The following FRRS1L variants were observed in gnomAD, a reference collection of about 807,000 sequenced individuals.
FRRS1L encodes DOMON domain-containing protein FRRS1L.
Under a neutral mutation model 28.6 loss-of-function variants are expected in FRRS1L, and 22 were observed. The ratio of observed to expected loss-of-function variants is 0.77; its 90% CI spans 0.55 to 1.10. The LOEUF is 1.10. Among genes scored for constraint, FRRS1L ranks in the 50% least tolerant of loss-of-function variants. The pLI is 0.00. For missense variants in FRRS1L, 380 were observed against 386.9 expected, an observed-to-expected ratio of 0.98 and a Z score of 0.15; for synonymous variants, 158 against 151.4, an observed-to-expected ratio of 1.04 and a Z score of -0.32.
chr9:109,146,960 A>T, intron 3 of FRRS1L, 91 bp downstream of exon 3: 1 of 1,198,064 alleles, frequency 8.3e-7, no homozygotes, highest in Non-Finnish European at 1.2e-6. Context: ...TGATCATTAT[A>T]CTGCTTTGAT....
chr9:109,133,486 G>A lies in FRRS1L; in HGVS notation c.*3969C>T, dbSNP rs1239409691. On this transcript the variant is annotated 3_prime_UTR_variant, in exon 5 of 5. Coordinates refer to ENST00000561981, the MANE Select transcript of FRRS1L (RefSeq NM_014334.4). ...GGATAGTGGGTTCCATTTAATAAAA[G>A]TTTTAATGGATGTGCACGAAGGTGC... is the stretch of plus-strand genomic sequence containing the variant. 1 of 152,182 alleles carries A rather than the reference G, an allele frequency of 6.6e-6. No homozygotes were observed. The highest frequency in any genetic ancestry group is 2.4e-5 in the African/African-American group (1 of 41,454). 9.4% of individuals were successfully genotyped at this position (152,182 alleles called of 1,614,324 possible).
rs1451066014 is a variant in FRRS1L, at chr9:109,131,195, T to G, written c.*6260A>C. On this transcript the variant is annotated 3_prime_UTR_variant, in exon 5 of 5. Coordinates refer to ENST00000561981, the MANE Select transcript of FRRS1L (RefSeq NM_014334.4). ...AAATACAAAACCTGTATAGGTTGCA[T>G]CAACATGCCAGTTACTCAGCTAACA... The G allele has an allele frequency of 6.6e-6, 1 of 152,238 alleles. No individual in the cohort carries two copies. Among genetic ancestry groups the G allele is most frequent in the Non-Finnish European group, 1.5e-5 (1 of 68,040 alleles). 9.4% of individuals were successfully genotyped at this position (152,238 alleles called of 1,614,324 possible). A position where few individuals can be genotyped will look rare whatever the true frequency, so the allele number is the denominator to read the frequency against.
intron 4 of FRRS1L, chr9:109,140,663 G>C (rs968147133): frequency 9.9e-5 from 15 of 152,026 alleles, no homozygotes; most frequent in African/African-American, 3.1e-4. Context: ...AATCTCTGGA[G>C]AAGTCTCCAG....
At chr9:109,157,948 T>A (rs921514281) in intron 1 of FRRS1L, among the ~76,000 whole-genome samples, 3 of 152,254 alleles carry the variant, frequency 2.0e-5, no homozygotes, top group Non-Finnish European at 2.9e-5. Flanking sequence ...CTTATGCATA[T>A]GTACGTGATC....
chr9:109,153,264 G>T (rs950160954), intron 1 of FRRS1L, among the ~76,000 whole-genome samples: 1 of 152,194 alleles, frequency 6.6e-6, no homozygotes, highest in Non-Finnish European at 1.5e-5. Context: ...TTGGGGCTTT[G>T]TGCTAGACCT....
At chr9:109,158,418 C>A (rs1831436413) in intron 1 of FRRS1L, among the ~76,000 whole-genome samples, 1 of 152,108 alleles carries the variant, frequency 6.6e-6, no homozygotes, top group Non-Finnish European at 1.5e-5. Context: ...GTTATGCAAC[C>A]ATCACCACTA....
Position 109,145,250 on chromosome 9 carries a change from C to A in FRRS1L, c.462+1801G>T, listed in dbSNP as rs570902487. On this transcript the variant is annotated intron_variant, in intron 3 of 4. Transcript: ENST00000561981. ...GAGCAGGGGCCAGTGATGACAGCTGCCTGTGCACCTGAGGCCCCGCCTGTG... is the reference window on the plus strand; with the variant it reads ...GAGCAGGGGCCAGTGATGACAGCTGACTGTGCACCTGAGGCCCCGCCTGTG... 4.6e-5 allele frequency among the ~76,000 whole-genome samples: 7 copies of A among 152,350 alleles called. No homozygotes were observed. In the South Asian group the frequency reaches 1.4e-3, roughly 32 times the overall value.
chr9:109,146,370 C>T lies in FRRS1L; in HGVS notation c.462+681G>A, dbSNP rs527464751. Among the ~76,000 whole-genome samples, 9 of 152,176 alleles carry T rather than the reference C, an allele frequency of 5.9e-5. No homozygotes were observed. The South Asian group carries it at 6.2e-4, about 11-fold the overall frequency. On this transcript the variant is annotated intron_variant, in intron 3 of 4. Coordinates refer to ENST00000561981, the MANE Select transcript of FRRS1L (RefSeq NM_014334.4). ...ACAGGTCACAACCTGGGGCTTGTGACGGGTGTCTGAAATGGGGGCAGTCTT... is the reference window on the plus strand; with the variant it reads ...ACAGGTCACAACCTGGGGCTTGTGATGGGTGTCTGAAATGGGGGCAGTCTT...
intron 4 of FRRS1L, chr9:109,141,116 C>G (rs1285734651): frequency 8.6e-6 from 5 of 580,376 alleles, no homozygotes; most frequent in Non-Finnish European, 1.5e-5. Context: ...CTATCTTGTA[C>G]TGCTGTAGCT....
At chr9:109,137,797 A>T (rs1336828796) in intron 4 of FRRS1L, 170 bp from the exon 5 acceptor site, 2 of 379,400 alleles carry the variant, frequency 5.3e-6, no homozygotes, top group African/African-American at 2.1e-5. Flanking sequence ...ATCATTGTAC[A>T]TATAATAAAG....
chr9:109,139,784 A>G (rs1326589813), intron 4 of FRRS1L: 1 of 152,226 alleles, frequency 6.6e-6, no homozygotes, highest in African/African-American at 2.4e-5. Flanking sequence ...GTGTCTTCCC[A>G]ATTGGCAACA....
chr9:109,158,873 C>T (rs532702156), intron 1 of FRRS1L, among the ~76,000 whole-genome samples: 1 of 152,346 alleles, frequency 6.6e-6, no homozygotes, highest in South Asian at 2.1e-4. Flanking sequence ...CTGTGTTTAA[C>T]TTTTTGAGAA....
intron 3 of FRRS1L, among the ~76,000 whole-genome samples, chr9:109,142,633 G>A (rs1392292476): frequency 1.3e-5 from 2 of 152,144 alleles, no homozygotes; most frequent in Non-Finnish European, 2.9e-5. Context: ...AGGCAATACA[G>A]TGAGACACTA....
At chr9:109,164,189 G>A (rs969397433) in intron 1 of FRRS1L, among the ~76,000 whole-genome samples, 2 of 152,020 alleles carry the variant, frequency 1.3e-5, no homozygotes, top group African/African-American at 2.4e-5. Flanking sequence ...ATAGCCCCAC[G>A]CCACTTACAT....
At chr9:109,152,476 A>G (rs1044168660) in intron 1 of FRRS1L, among the ~76,000 whole-genome samples, 2 of 151,704 alleles carry the variant, frequency 1.3e-5, no homozygotes, top group African/African-American at 4.8e-5. Flanking sequence ...TGGCCTGAGA[A>G]GTAATAACCA....
At chr9:109,165,709 T>C (rs994580036) in intron 1 of FRRS1L, among the ~76,000 whole-genome samples, 1 of 152,240 alleles carries the variant, frequency 6.6e-6, no homozygotes, top group African/African-American at 2.4e-5. Flanking sequence ...TGTGCAACCA[T>C]ATGATTAAGT....
rs563505667 is a variant in FRRS1L at position 109,147,100 on chromosome 9, G to T, written c.413C>A (p.Ala138Glu). 6.2e-7 allele frequency: 1 copy of T among 1,613,526 alleles called. No individual in the cohort carries two copies. The highest frequency in any genetic ancestry group is 1.6e-4 in the Middle Eastern group (1 of 6,062). The change falls in exon 3 of 5, where the codon GCA (alanine) becomes GAA (glutamate). Residue 138 changes from alanine to glutamate, a missense_variant. Physicochemically the swap from Ala to Glu is moderately radical, Grantham distance 107. Coordinates refer to ENST00000561981, the MANE Select transcript of FRRS1L (RefSeq NM_014334.4). ...AACTGCTACCCAACCATCTGTGTCT[G>T]CACTCAGCTCAAATTCTACATCAGC... ...IGADVEFELSADTDGWVAVGF... is the reference protein window; with the variant it reads ...IGADVEFELSEDTDGWVAVGF...
rs1554736531 is a variant in FRRS1L, at chr9:109,167,176, G to A, written c.-38C>T. On this transcript the variant is annotated 5_prime_UTR_variant, in exon 1 of 5. Coordinates refer to ENST00000561981, the MANE Select transcript of FRRS1L (RefSeq NM_014334.4). ...ATCCCGCAGCCAGGCCGCTCGGGCC[G>A]CAGCGGGGGCGCCGCGGGCGCGGGC... 1.7e-6 allele frequency: 2 copies of A among 1,151,316 alleles called. No individual in the cohort carries two copies. The highest frequency in any genetic ancestry group is 2.1e-6 in the Non-Finnish European group (2 of 939,314). 71.3% of individuals were successfully genotyped at this position (1,151,316 alleles called of 1,614,324 possible).
At chr9:109,160,386 A>T (rs1034405269) in intron 1 of FRRS1L, among the ~76,000 whole-genome samples, 2 of 151,886 alleles carry the variant, frequency 1.3e-5, no homozygotes, top group Admixed American at 1.3e-4. Flanking sequence ...TGGCACATTT[A>T]CTCAGCCATC....
Sources: allele counts gnomAD v4.1 joint callset (sites outside exome capture counted in the v4.1 genomes callset), GRCh38; gene constraint gnomAD v4.1.1; transcripts MANE v1.5; gene names NCBI Gene and HGNC (gene_info 2026-07-23, HGNC 2026-07-21).